PLCB1: variants seen among roughly 807,000 people sequenced by gnomAD.
PLCB1 encodes phospholipase C beta 1, also known as 1-phosphatidylinositol 4,5-bisphosphate phosphodiesterase beta-1.
A neutral mutation model predicts 161.8 loss-of-function variants in PLCB1; 46 were observed. The ratio of observed to expected loss-of-function variants is 0.28; its 90% CI spans 0.22 to 0.36. The LOEUF (loss-of-function observed/expected upper bound fraction) is 0.36, where lower values mean the gene tolerates loss of function less well. Among genes scored for constraint, PLCB1 ranks in the 10% least tolerant of loss-of-function variants. The pLI, the probability that PLCB1 is intolerant of heterozygous loss-of-function variation, is 1.00. For synonymous variants in PLCB1, 517 were observed against 503.7 expected, an observed-to-expected ratio of 1.03 and a Z score of -0.35; for missense variants, 1,016 against 1,472.5, an observed-to-expected ratio of 0.69 and a Z score of 5.07.
chr20:8,565,435 A>G (rs1986297691), intron 3 of PLCB1, among the ~76,000 whole-genome samples: 1 of 152,108 alleles, frequency 6.6e-6, no homozygotes, highest in South Asian at 2.1e-4. Context: ...GTGTATACCT[A>G]TGTAACAAAC....
chr20:8,211,816 A>G (rs2123145278), intron 2 of PLCB1, among the ~76,000 whole-genome samples: 1 of 152,262 alleles, frequency 6.6e-6, no homozygotes, highest in African/African-American at 2.4e-5. Flanking sequence ...TTTTCCTAAA[A>G]TAAATCATTA....
chr20:8,287,083 AG>A (rs1226055050), intron 2 of PLCB1, among the ~76,000 whole-genome samples: 1 of 152,118 alleles, frequency 6.6e-6, no homozygotes, highest in Admixed American at 6.6e-5. Context: ...AGAGATTTAA[AG>A]GAATGTACTT....
intron 3 of PLCB1, among the ~76,000 whole-genome samples, chr20:8,486,893 C>T (rs540544038): frequency 1.3e-5 from 2 of 152,300 alleles, no homozygotes; most frequent in South Asian, 4.1e-4. Context: ...GGCTTCTAAA[C>T]ACTTTTGTGT....
At chr20:8,770,313 T>A (rs899035088) in intron 26 of PLCB1, among the ~76,000 whole-genome samples, 1 of 152,184 alleles carries the variant, frequency 6.6e-6, no homozygotes, top group Non-Finnish European at 1.5e-5. Flanking sequence ...ATTTGTCACT[T>A]TTTCAAGGAG....
chr20:8,330,783 G>A (rs1985338060), intron 2 of PLCB1, among the ~76,000 whole-genome samples: 1 of 152,130 alleles, frequency 6.6e-6, no homozygotes, highest in Admixed American at 6.5e-5. Flanking sequence ...TAGTTGAGTT[G>A]AAGGAATGCT....
Position 8,882,028 on chromosome 20 carries a change from G to A in PLCB1, c.*179G>A. The A allele has an allele frequency of 5.1e-6, 3 of 592,494 alleles. No individual in the cohort carries two copies. The Admixed American group carries it at 9.2e-5, about 18-fold the overall frequency. 36.7% of individuals were successfully genotyped at this position (592,494 alleles called of 1,614,324 possible). On this transcript the variant is annotated 3_prime_UTR_variant, in exon 32 of 32. Transcript: ENST00000338037. Reference sequence around the variant, plus strand: ...GAATTCCCATGCCCAGGCTCCATGTGTCATGTGGAAACCTCCACAGGTCTG... The same window carrying A: ...GAATTCCCATGCCCAGGCTCCATGTATCATGTGGAAACCTCCACAGGTCTG...
At chr20:8,407,214 C>G (rs1242524936) in intron 3 of PLCB1, among the ~76,000 whole-genome samples, 1 of 151,740 alleles carries the variant, frequency 6.6e-6, no homozygotes, top group East Asian at 1.9e-4. Context: ...CAGAATAGTC[C>G]CAAGTAACTT....
chr20:8,356,390 G>A (rs1334416868), intron 2 of PLCB1, among the ~76,000 whole-genome samples: 1 of 152,038 alleles, frequency 6.6e-6, no homozygotes, highest in Non-Finnish European at 1.5e-5. Flanking sequence ...CTGGGATGTG[G>A]GCCAGGAATT....
chr20:8,749,524 G>T (rs1981345179), intron 23 of PLCB1, among the ~76,000 whole-genome samples: 1 of 152,058 alleles, frequency 6.6e-6, no homozygotes, highest in Non-Finnish European at 1.5e-5. Flanking sequence ...AAGAGTTGTT[G>T]GTCTACTTTC....
chr20:8,224,523 G>T (rs1473015472), intron 2 of PLCB1, among the ~76,000 whole-genome samples: 1 of 152,046 alleles, frequency 6.6e-6, no homozygotes, highest in Non-Finnish European at 1.5e-5. Context: ...CACATAAAAT[G>T]CATAAACCAT....
At chr20:8,217,825 G>A (rs59330923) in intron 2 of PLCB1, among the ~76,000 whole-genome samples, 29,007 of 151,974 alleles carry the variant, frequency 0.19, 2,889 homozygotes, top group African/African-American at 0.24. Flanking sequence ...GTGGGTTCCT[G>A]ATTAAAAGGA....
At chr20:8,629,817 T>TTTCTTTC (rs1555777955) in intron 4 of PLCB1, among the ~76,000 whole-genome samples, 49 of 97,062 alleles carry the variant, frequency 5.0e-4, no homozygotes, top group Non-Finnish European at 7.7e-4. Flanking sequence ...CTTTTCTTTC[T>TTTCTTTC]TTTCTTTCTT....
At chr20:8,755,750 G>A (rs1466633312) in intron 23 of PLCB1, among the ~76,000 whole-genome samples, 1 of 152,094 alleles carries the variant, frequency 6.6e-6, no homozygotes, top group East Asian at 1.9e-4. Context: ...AAAGAAAATG[G>A]TATTATTTAA....
At chr20:8,470,097 G>T (rs1394767692) in intron 3 of PLCB1, among the ~76,000 whole-genome samples, 1 of 152,042 alleles carries the variant, frequency 6.6e-6, no homozygotes, top group Non-Finnish European at 1.5e-5. Context: ...GTGTAAAATG[G>T]ATCAGTTTTT....
At chr20:8,300,692 C>T (rs1983869267) in intron 2 of PLCB1, among the ~76,000 whole-genome samples, 1 of 147,990 alleles carries the variant, frequency 6.8e-6, no homozygotes, top group African/African-American at 2.7e-5. Flanking sequence ...CTATGTACTA[C>T]CCAAACTTGT....
intron 3 of PLCB1, among the ~76,000 whole-genome samples, chr20:8,578,893 A>T (rs1455930281): frequency 3.9e-5 from 6 of 152,222 alleles, no homozygotes; most frequent in African/African-American, 1.2e-4. Context: ...ACCCGAGTAA[A>T]TTTCTGATGG....
chr20:8,158,550 C>A (rs558285208), intron 2 of PLCB1, among the ~76,000 whole-genome samples: 1 of 152,278 alleles, frequency 6.6e-6, no homozygotes, highest in African/African-American at 2.4e-5. Context: ...CAAATCATGC[C>A]TTTCCAACAG....
At chr20:8,588,142 T>C (rs1987045584) in intron 3 of PLCB1, among the ~76,000 whole-genome samples, 1 of 152,192 alleles carries the variant, frequency 6.6e-6, no homozygotes, top group Non-Finnish European at 1.5e-5. Flanking sequence ...CGTGTAAGGC[T>C]CTGCACTGGG....
chr20:8,824,825 T>C (rs77608033), intron 31 of PLCB1, among the ~76,000 whole-genome samples: 5,221 of 151,376 alleles, frequency 0.034, 292 homozygotes, highest in African/African-American at 0.12. Context: ...AAGGGGAAAA[T>C]TGAGAATAAG....
Sources: gnomAD v4.1 joint callset for allele counts (sites outside exome capture counted in the v4.1 genomes callset) on GRCh38, gnomAD v4.1.1 for gene constraint, MANE v1.5 for transcripts, NCBI Gene and HGNC (gene_info 2026-07-23, HGNC 2026-07-21) for gene names.